HGSNAT: variants seen among roughly 807,000 people sequenced by gnomAD.
The protein encoded by HGSNAT is transmembrane protein 76.
In HGSNAT, 59 loss-of-function variants were observed where a neutral mutation model predicts 85.2. That is an observed-to-expected ratio of 0.69 (90% CI 0.56 to 0.86). The LOEUF (loss-of-function observed/expected upper bound fraction) is 0.86. Ranked by LOEUF, HGSNAT falls within the 40% of genes least tolerant of loss-of-function variation. HGSNAT has a pLI of 0.00. For missense variants in HGSNAT, 756 were observed against 777.1 expected (o/e 0.97, Z 0.32); for synonymous variants, 321 against 304.5 (o/e 1.05, Z -0.56).
chr8:43,191,421 C>T lies in HGSNAT; in HGVS notation c.1129-53C>T, dbSNP rs181290602. The T allele has an allele frequency of 2.2e-3, 3,439 of 1,591,504 alleles. 10 individuals carry two copies. Among genetic ancestry groups the T allele is most frequent in the Non-Finnish European group, 2.7e-3 (3,105 of 1,163,148 alleles). ...ATTTCCTAAAGACATGTGCTTAGTT[C>T]CCTTCTATTTGCATTTAGTTCACCC... On this transcript the variant is annotated intron_variant, in intron 11 of 17. Coordinates refer to ENST00000379644, the MANE Select transcript of HGSNAT (RefSeq NM_152419.3).
At chr8:43,147,472 AT>A (rs1299928218) in intron 2 of HGSNAT, among the ~76,000 whole-genome samples, 1 of 152,126 alleles carries the variant, frequency 6.6e-6, no homozygotes. Flanking sequence ...TAACAAATGC[AT>A]TTTCTCTGAA....
intron 1 of HGSNAT, among the ~76,000 whole-genome samples, chr8:43,145,705 C>G (rs565490865): frequency 2.0e-5 from 3 of 151,800 alleles, no homozygotes; most frequent in Non-Finnish European, 4.4e-5. Context: ...GAGCCGAGAT[C>G]GCGCCACTGC....
chr8:43,193,994 A>G, intron 14 of HGSNAT, 151 bp downstream of exon 14: 1 of 1,392,610 alleles, frequency 7.2e-7, no homozygotes. Flanking sequence ...GATTGTGCAG[A>G]ACCAAAAGTT....
At chr8:43,141,286 G>T (rs1802526886) in intron 1 of HGSNAT, among the ~76,000 whole-genome samples, 1 of 152,004 alleles carries the variant, frequency 6.6e-6, no homozygotes, top group South Asian at 2.1e-4. Flanking sequence ...GGGTGACTGG[G>T]AAGCCGCCGC....
At chr8:43,185,572 G>A (rs993361945) in intron 11 of HGSNAT, among the ~76,000 whole-genome samples, 1 of 152,202 alleles carries the variant, frequency 6.6e-6, no homozygotes, top group Non-Finnish European at 1.5e-5. Flanking sequence ...ATACAATCAT[G>A]TCATCTGCAA....
chr8:43,152,930 AT>A (rs1400294677), intron 2 of HGSNAT, among the ~76,000 whole-genome samples: 3 of 152,182 alleles, frequency 2.0e-5, no homozygotes, highest in Admixed American at 6.5e-5. Context: ...TAATTTCAAA[AT>A]TCATATGAAA....
intron 9 of HGSNAT, chr8:43,174,237 A>G (rs1185694111): frequency 1.3e-5 from 2 of 152,248 alleles, no homozygotes; most frequent in African/African-American, 4.8e-5. Flanking sequence ...AAATAAAAAA[A>G]ATAAAGTGAT....
In HGSNAT at chr8:43,199,369, G is replaced by A. The variant is rs369322408; in HGVS notation, c.1727-19G>A. Reference sequence around the variant, plus strand: ...TCATCTGTGAGAAACATGATCTTCTGTATGTCTCTCTCCTTAAGGAATGAA... The same window carrying A: ...TCATCTGTGAGAAACATGATCTTCTATATGTCTCTCTCCTTAAGGAATGAA... On this transcript the variant is annotated intron_variant, in intron 17 of 17. Coordinates refer to ENST00000379644, the MANE Select transcript of HGSNAT (RefSeq NM_152419.3). 2.0e-5 allele frequency: 30 copies of A among 1,525,920 alleles called. No homozygotes were observed. The highest frequency in any genetic ancestry group is 2.6e-5 in the Non-Finnish European group (29 of 1,114,632). 94.5% of individuals were successfully genotyped at this position (1,525,920 alleles called of 1,614,324 possible). A position where few individuals can be genotyped will look rare whatever the true frequency, so the allele number is the denominator to read the frequency against.
In HGSNAT at chr8:43,149,632, G is replaced by A. The variant is rs990193615; in HGVS notation, c.234+2569G>A. On this transcript the variant is annotated intron_variant, in intron 2 of 17. Transcript: ENST00000379644. ...GGAGAATGGCGTGAACCCGGGAGGCGGAGCTTGCAGTGAGCCGAGATCGGG... is the reference window on the plus strand; with the variant it reads ...GGAGAATGGCGTGAACCCGGGAGGCAGAGCTTGCAGTGAGCCGAGATCGGG... 5.3e-5 allele frequency among the ~76,000 whole-genome samples: 8 copies of A among 151,256 alleles called. No homozygotes were observed. The South Asian group carries it at 6.3e-4, about 12-fold the overall frequency.
At chr8:43,147,697 T>C (rs117185313) in intron 2 of HGSNAT, among the ~76,000 whole-genome samples, 2,230 of 152,196 alleles carry the variant, frequency 0.015, 31 homozygotes, top group Non-Finnish European at 0.022. Context: ...GAGCTAAGCA[T>C]TGGGTACTTA....
rs1357249408 is a variant in HGSNAT at position 43,200,789 on chromosome 8, A to C, written c.*1220A>C. The C allele has an allele frequency of 6.6e-6, 1 of 152,438 alleles. No individual in the cohort carries two copies. The highest frequency in any genetic ancestry group is 2.4e-5 in the African/African-American group (1 of 41,454). The allele number at this position is 152,438 out of a possible 1,614,324, so 9.4% of individuals were successfully genotyped here. A position where few individuals can be genotyped will look rare whatever the true frequency, so the allele number is the denominator to read the frequency against. On this transcript the variant is annotated 3_prime_UTR_variant, in exon 18 of 18. Transcript: ENST00000379644. ...GTGCTGTACCCACCCTTCCCCGGCG[A>C]GATGGCCCTCGGCCTGTGCCGCTGC...
intron 2 of HGSNAT, among the ~76,000 whole-genome samples, chr8:43,153,178 ATGTAAGTGTGAGAAG>A (rs1425792425): frequency 2.0e-5 from 3 of 152,320 alleles, no homozygotes; most frequent in Non-Finnish European, 4.4e-5. Context: ...TAACAGACCA[ATGTAAGTGTGAGAAG>A]TAGAATCTAA....
chr8:43,196,568 C>A lies in HGSNAT; in HGVS notation c.1465-380C>A, dbSNP rs73675467. 5.4e-3 allele frequency: 6,760 copies of A among 1,241,272 alleles called. 246 individuals carry two copies. The African/African-American group carries it at 0.082, about 15-fold the overall frequency. 76.9% of individuals were successfully genotyped at this position (1,241,272 alleles called of 1,614,324 possible). A position where few individuals can be genotyped will look rare whatever the true frequency, so the allele number is the denominator to read the frequency against. On this transcript the variant is annotated intron_variant, in intron 14 of 17. Coordinates refer to ENST00000379644, the MANE Select transcript of HGSNAT (RefSeq NM_152419.3). Reference sequence around the variant, plus strand: ...GCCCCTTCTCCTCCTTTCCCCATGACCTGGGCTTCTGCATTCCCTGCAGCA... The same window carrying A: ...GCCCCTTCTCCTCCTTTCCCCATGAACTGGGCTTCTGCATTCCCTGCAGCA...
intron 4 of HGSNAT, among the ~76,000 whole-genome samples, chr8:43,161,048 A>C (rs943695174): frequency 2.0e-5 from 3 of 152,214 alleles, no homozygotes; most frequent in Non-Finnish European, 4.4e-5. Flanking sequence ...CTGTCTTTAC[A>C]AGGGCTTTAG....
At chr8:43,188,669 A>G (rs1281745388) in intron 11 of HGSNAT, among the ~76,000 whole-genome samples, 2 of 152,138 alleles carry the variant, frequency 1.3e-5, no homozygotes, top group African/African-American at 2.4e-5. Context: ...TCATTCTCCA[A>G]CCAGGTTTGT....
Position 43,161,360 on chromosome 8 carries a change from A to G in HGSNAT, c.494-78A>G. The G allele has an allele frequency of 2.6e-6, 3 of 1,160,108 alleles. No homozygotes were observed. In the South Asian group the frequency reaches 4.0e-5, roughly 15 times the overall value. 71.9% of individuals were successfully genotyped at this position (1,160,108 alleles called of 1,614,324 possible). A position where few individuals can be genotyped will look rare whatever the true frequency, so the allele number is the denominator to read the frequency against. ...TCCCCTCACTGGTTTTCATTTATAG[A>G]TAAATGTAATGATGTGATGTCTTTG... On this transcript the variant is annotated intron_variant, in intron 4 of 17. Transcript: ENST00000379644.
chr8:43,189,356 C>T (rs945575947), intron 11 of HGSNAT, among the ~76,000 whole-genome samples: 20 of 152,246 alleles, frequency 1.3e-4, no homozygotes, highest in Admixed American at 3.9e-4. Flanking sequence ...CCCCCAGCCT[C>T]GCTGCCACCT....
At chr8:43,166,780 C>A (rs1179148323) in intron 5 of HGSNAT, among the ~76,000 whole-genome samples, 1 of 152,110 alleles carries the variant, frequency 6.6e-6, no homozygotes, top group Non-Finnish European at 1.5e-5. Context: ...TTTTATAAAG[C>A]CGTATAGCTG....
At chr8:43,169,039 T>C (rs946995268) in intron 5 of HGSNAT, 134 bp from the exon 6 acceptor site, 1 of 475,582 alleles carries the variant, frequency 2.1e-6, no homozygotes, top group Non-Finnish European at 3.6e-6. Flanking sequence ...TTTATATTGT[T>C]AAAAAATGTT....
Sources: gnomAD v4.1 joint callset for allele counts (sites outside exome capture counted in the v4.1 genomes callset) on GRCh38, gnomAD v4.1.1 for gene constraint, MANE v1.5 for transcripts, NCBI Gene and HGNC (gene_info 2026-07-23, HGNC 2026-07-21) for gene names.